Variants in OTOGL observed in about 807,000 individuals in gnomAD.
The protein encoded by OTOGL is otogelin-like protein.
A neutral mutation model predicts 318.5 loss-of-function variants in OTOGL; 285 were observed. That is an observed-to-expected ratio of 0.89 (90% confidence interval 0.81 to 0.99). OTOGL has a LOEUF of 0.99. Among genes scored for constraint, OTOGL ranks in the 50% least tolerant of loss-of-function variants. The pLI is 0.00. For synonymous variants in OTOGL, 987 were observed against 936.5 expected (o/e 1.05, Z -0.99); for missense variants, 2,899 against 2,845.6 (o/e 1.02, Z -0.43).
chr12:80,111,312 A>G (rs1248884529), intron 1 of OTOGL, among the ~76,000 whole-genome samples: 1 of 152,144 alleles, frequency 6.6e-6, no homozygotes, highest in Non-Finnish European at 1.5e-5. Context: ...TTAGTCATGA[A>G]GTCTTTGCCC....
At chr12:80,177,494 A>G (rs1366648015) in intron 1 of OTOGL, among the ~76,000 whole-genome samples, 2 of 152,146 alleles carry the variant, frequency 1.3e-5, no homozygotes, top group African/African-American at 4.8e-5. Context: ...CACAAATACC[A>G]TACTGTGTGA....
At chr12:80,144,636 C>T (rs961497112) in intron 1 of OTOGL, among the ~76,000 whole-genome samples, 2 of 152,040 alleles carry the variant, frequency 1.3e-5, no homozygotes, top group African/African-American at 4.8e-5. Flanking sequence ...ACCACAATGA[C>T]TTCCACAATG....
chr12:80,367,057 G>C (rs750742986), intron 53 of OTOGL, among the ~76,000 whole-genome samples: 5 of 151,652 alleles, frequency 3.3e-5, no homozygotes, highest in Non-Finnish European at 5.9e-5. Flanking sequence ...GCCCACTGCA[G>C]CCTCAAACTT....
At position 80,355,770 on chromosome 12, in the gene OTOGL, T is replaced by C; in HGVS notation, c.5628T>C (p.Ala1876=). The change falls in exon 47 of 59, where the codon GCT becomes GCC. Residue 1876 remains alanine, a synonymous_variant. Coordinates refer to ENST00000547103, the MANE Select transcript of OTOGL (RefSeq NM_001378609.3). ...ATAGTGAAGACCAACCCCGCACTGC[T>C]GGGGAGATTTGGAATGGGGGCATTG... ...CTDSEDQPRT[A]GEIWNGGIDE... 3.7e-6 allele frequency: 6 copies of C among 1,613,722 alleles called. No individual in the cohort carries two copies. In the South Asian group the frequency reaches 4.4e-5, roughly 12 times the overall value.
chr12:80,280,499 C>T (rs929903868), intron 26 of OTOGL, among the ~76,000 whole-genome samples: 4 of 151,962 alleles, frequency 2.6e-5, no homozygotes, highest in African/African-American at 9.7e-5. Flanking sequence ...GTTCCAGTTT[C>T]AACCTTCTGC....
Position 80,249,165 on chromosome 12 carries a change from C to T in OTOGL, c.1053-2528C>T, listed in dbSNP as rs1207506701. On this transcript the variant is annotated intron_variant, in intron 11 of 58. Transcript: ENST00000547103. Reference sequence around the variant, plus strand: ...CGTCTGAAGCCTTCTTCTCTCAGCTCGTCAAAATCATTCTCCATCCAGCTT... The same window carrying T: ...CGTCTGAAGCCTTCTTCTCTCAGCTTGTCAAAATCATTCTCCATCCAGCTT... Among the ~76,000 whole-genome samples the T allele has an allele frequency of 3.0e-4, 45 of 147,900 alleles. 1 individual carries two copies. The highest frequency in any genetic ancestry group is 1.1e-3 in the African/African-American group (41 of 38,452).
At chr12:80,256,737 A>G (rs1307410910) in intron 17 of OTOGL, among the ~76,000 whole-genome samples, 4 of 152,108 alleles carry the variant, frequency 2.6e-5, no homozygotes, top group African/African-American at 9.7e-5. Flanking sequence ...AAAGACATAC[A>G]TAAAGACTTT....
At chr12:80,182,889 C>T (rs1201965099) in intron 1 of OTOGL, among the ~76,000 whole-genome samples, 2 of 152,130 alleles carry the variant, frequency 1.3e-5, no homozygotes, top group Non-Finnish European at 2.9e-5. Flanking sequence ...GGCAGAAATG[C>T]ATGAATAGCT....
intron 1 of OTOGL, among the ~76,000 whole-genome samples, chr12:80,149,342 G>T: frequency 6.6e-6 from 1 of 152,048 alleles, no homozygotes; most frequent in Non-Finnish European, 1.5e-5. Context: ...CCCTGCTGGG[G>T]GGTGCCTCCC....
At chr12:80,293,747 A>T (rs991289065) in intron 26 of OTOGL, among the ~76,000 whole-genome samples, 2 of 152,164 alleles carry the variant, frequency 1.3e-5, no homozygotes, top group Non-Finnish European at 2.9e-5. Context: ...ACATTAAAAA[A>T]AATCAGTATT....
At position 80,180,046 on chromosome 12, in the gene OTOGL, C is replaced by T. The variant is rs144149395; in HGVS notation, c.-19-29367C>T. On this transcript the variant is annotated intron_variant, in intron 1 of 58. Transcript: ENST00000547103. ...AAGCTGTATCAAGGTTTGGTTTTAT[C>T]CTACAAGTGCTATTACTATTTTAGT... 1.8e-3 allele frequency among the ~76,000 whole-genome samples: 273 copies of T among 152,334 alleles called. 2 individuals are homozygous for T. The highest frequency in any genetic ancestry group is 6.4e-3 in the African/African-American group (266 of 41,588).
intron 31 of OTOGL, among the ~76,000 whole-genome samples, chr12:80,313,920 T>G (rs1340321065): frequency 6.6e-6 from 1 of 152,172 alleles, no homozygotes. Context: ...TGACTTTATT[T>G]CTTTTATGCC....
rs747706750 is a variant in OTOGL at position 80,257,987 on chromosome 12, TA to T, written c.1876del (p.Arg626GlyfsTer10). 7 of 1,583,978 alleles carry T rather than the reference TA, an allele frequency of 4.4e-6. No homozygotes were observed. Among genetic ancestry groups the T allele is most frequent in the Non-Finnish European group, 6.0e-6 (7 of 1,175,294 alleles). ...LGLCGTFNGN[I>X]RDDFLSPSGM... ...CTGTGTGGCACTTTTAATGGCAACATAAGGGATGATTTTCTGTAAGTATGAT... is the reference window on the plus strand; with the variant it reads ...CTGTGTGGCACTTTTAATGGCAACATAGGGATGATTTTCTGTAAGTATGAT... On this transcript the variant is annotated frameshift_variant, in exon 18 of 59. Transcript: ENST00000547103. LOFTEE classifies it high-confidence loss of function.
rs1229174256 is a variant in OTOGL, at chr12:80,230,333, C to T, written c.611+955C>T. Among the ~76,000 whole-genome samples, 3 of 152,104 alleles carry T rather than the reference C, an allele frequency of 2.0e-5. No homozygotes were observed. The South Asian group carries it at 6.2e-4, about 31-fold the overall frequency. On this transcript the variant is annotated intron_variant, in intron 8 of 58. Coordinates refer to ENST00000547103, the MANE Select transcript of OTOGL (RefSeq NM_001378609.3). The stretch of plus-strand genomic sequence containing the variant: ...GAGCAGCTTCTCCCCTTGTCTGAGG[C>T]TTATTTTCTTGGTCAGTTGGGTTCT...
At chr12:80,159,478 G>GT (rs1873354000) in intron 1 of OTOGL, among the ~76,000 whole-genome samples, 1 of 151,792 alleles carries the variant, frequency 6.6e-6, no homozygotes, top group African/African-American at 2.4e-5. Flanking sequence ...TTTTTGGTTG[G>GT]TCTTTTTTTT....
chr12:80,365,435 G>A (rs1890470119), intron 52 of OTOGL, among the ~76,000 whole-genome samples: 1 of 152,092 alleles, frequency 6.6e-6, no homozygotes, highest in South Asian at 2.1e-4. Context: ...AAGGAAATGA[G>A]CATAGAAGAG....
At chr12:80,197,289 G>T (rs1391168073) in intron 1 of OTOGL, among the ~76,000 whole-genome samples, 1 of 152,044 alleles carries the variant, frequency 6.6e-6, no homozygotes, top group African/African-American at 2.4e-5. Context: ...TTGTGTACCT[G>T]TTCTCAGGGT....
chr12:80,357,860 G>A (rs1462172872), intron 49 of OTOGL, among the ~76,000 whole-genome samples: 12 of 152,148 alleles, frequency 7.9e-5, no homozygotes, highest in East Asian at 3.9e-4. Context: ...AAGGTGGGAC[G>A]GCATGTTGAA....
intron 1 of OTOGL, among the ~76,000 whole-genome samples, chr12:80,171,143 A>G (rs1203811803): frequency 3.9e-5 from 6 of 152,158 alleles, no homozygotes; most frequent in African/African-American, 1.4e-4. Context: ...GCATGATCAG[A>G]GCTCACTGCA....
Sources: allele counts gnomAD v4.1 joint callset (sites outside exome capture counted in the v4.1 genomes callset), GRCh38; gene constraint gnomAD v4.1.1; transcripts MANE v1.5; gene names NCBI Gene and HGNC (gene_info 2026-07-23, HGNC 2026-07-21).